CPQ: variants seen among roughly 807,000 people sequenced by gnomAD.
The protein encoded by CPQ is Ser-Met dipeptidase.
A neutral mutation model predicts 45.7 loss-of-function variants in CPQ; 37 were observed. The ratio of observed to expected loss-of-function variants is 0.81; its 90% CI spans 0.62 to 1.07. The LOEUF (loss-of-function observed/expected upper bound fraction) is 1.07. CPQ is among the 50% of genes least tolerant of loss of function. The pLI is 0.00. For missense variants in CPQ, 537 were observed against 572.9 expected (o/e 0.94, Z 0.64); for synonymous variants, 186 against 205.8 (o/e 0.90, Z 0.82).
Position 96,786,800 on chromosome 8 carries a change from T to C in CPQ, c.433+1470T>C, listed in dbSNP as rs140675133. Among the ~76,000 whole-genome samples, 348 of 152,284 alleles carry C rather than the reference T, an allele frequency of 2.3e-3. 4 individuals carry two copies. The highest frequency in any genetic ancestry group is 8.2e-3 in the African/African-American group (340 of 41,580). The stretch of plus-strand genomic sequence containing the variant: ...GATGTTGAGCATCCTTCCATGTTCT[T>C]ACTCGCCATTTGTTTATCTTCTTTG... On this transcript the variant is annotated intron_variant, in intron 2 of 7. Transcript: ENST00000220763.
At chr8:96,795,572 T>A (rs1810917275) in intron 2 of CPQ, among the ~76,000 whole-genome samples, 1 of 152,260 alleles carries the variant, frequency 6.6e-6, no homozygotes, top group Non-Finnish European at 1.5e-5. Flanking sequence ...ACACTGCATA[T>A]AGTTTGTGTC....
At position 96,831,148 on chromosome 8, in the gene CPQ, A is replaced by G. The variant is rs1811453304; in HGVS notation, c.434-3825A>G. ...AAATATGCAAGTTCCTTGGAAGTAT[A>G]CATTTCTGGAGAGTGATCAGGGATG... On this transcript the variant is annotated intron_variant, in intron 2 of 7. Transcript: ENST00000220763. Among the ~76,000 whole-genome samples the G allele has an allele frequency of 2.0e-5, 3 of 152,154 alleles. 1 individual carries two copies. In the South Asian group the frequency reaches 6.2e-4, roughly 31 times the overall value.
At chr8:96,979,881 G>A (rs1397787525) in intron 5 of CPQ, among the ~76,000 whole-genome samples, 1 of 151,986 alleles carries the variant, frequency 6.6e-6, no homozygotes. Context: ...AATCATTATC[G>A]ATGAGCTGAT....
At chr8:97,133,441 G>A (rs748965662) in intron 7 of CPQ, 8 of 152,304 alleles carry the variant, frequency 5.3e-5, no homozygotes, top group South Asian at 4.1e-4. Flanking sequence ...GCATATGAAC[G>A]TGATTGTTCT....
chr8:97,115,167 C>T (rs931734032), intron 7 of CPQ, among the ~76,000 whole-genome samples: 2 of 152,304 alleles, frequency 1.3e-5, no homozygotes, highest in Admixed American at 6.5e-5. Flanking sequence ...CTAGAAGAGA[C>T]CAAGTGCCCT....
At chr8:96,660,509 G>A (rs1163565683) in intron 1 of CPQ, among the ~76,000 whole-genome samples, 1 of 152,104 alleles carries the variant, frequency 6.6e-6, no homozygotes, top group Non-Finnish European at 1.5e-5. Flanking sequence ...ATCCCTCTAT[G>A]TATTCTGTAC....
chr8:96,738,913 A>G (rs1158480662), intron 1 of CPQ, among the ~76,000 whole-genome samples: 8 of 151,984 alleles, frequency 5.3e-5, no homozygotes, highest in South Asian at 2.1e-4. Flanking sequence ...TAATGCCGCA[A>G]TAAACATAGG....
chr8:96,797,785 C>A (rs1810953779), intron 2 of CPQ, among the ~76,000 whole-genome samples: 1 of 152,110 alleles, frequency 6.6e-6, no homozygotes, highest in South Asian at 2.1e-4. Context: ...GGTGCGGTGG[C>A]TCACACCTGT....
chr8:96,870,488 C>T (rs1044323589), intron 3 of CPQ, among the ~76,000 whole-genome samples: 1 of 151,784 alleles, frequency 6.6e-6, no homozygotes, highest in Non-Finnish European at 1.5e-5. Context: ...GAGGGGTGAG[C>T]GGCAATATAA....
chr8:96,708,610 T>C (rs941607372), intron 1 of CPQ, among the ~76,000 whole-genome samples: 1 of 152,092 alleles, frequency 6.6e-6, no homozygotes, highest in Non-Finnish European at 1.5e-5. Context: ...TCTTCTATAA[T>C]AGAATCTCTA....
At chr8:96,775,849 C>G (rs1030435677) in intron 1 of CPQ, among the ~76,000 whole-genome samples, 1 of 152,152 alleles carries the variant, frequency 6.6e-6, no homozygotes, top group African/African-American at 2.4e-5. Context: ...GTGCTCCCCC[C>G]ACATATTCAA....
chr8:97,021,958 G>A lies in CPQ; in HGVS notation c.962-7445G>A, dbSNP rs1809695562. 2.0e-5 allele frequency among the ~76,000 whole-genome samples: 3 copies of A among 152,134 alleles called. No individual in the cohort carries two copies. The South Asian group carries it at 6.2e-4, about 32-fold the overall frequency. ...CTAAGCAAGAAGAATAAATCTGGAG[G>A]TGTCACATTACCTGATTACAAACCA... On this transcript the variant is annotated intron_variant, in intron 5 of 7. Transcript: ENST00000220763.
chr8:97,041,948 T>G (rs1158220611), intron 6 of CPQ, among the ~76,000 whole-genome samples: 1 of 152,198 alleles, frequency 6.6e-6, no homozygotes, highest in African/African-American at 2.4e-5. Flanking sequence ...AAAATTCTCT[T>G]TTTTGGATGT....
At chr8:97,111,868 C>T (rs1269723472) in intron 7 of CPQ, among the ~76,000 whole-genome samples, 10 of 152,208 alleles carry the variant, frequency 6.6e-5, no homozygotes, top group African/African-American at 2.4e-4. Flanking sequence ...TCTGTCAAAG[C>T]AAACCAGCAC....
intron 4 of CPQ, among the ~76,000 whole-genome samples, chr8:96,921,820 T>C (rs899043214): frequency 6.6e-6 from 1 of 152,112 alleles, no homozygotes; most frequent in African/African-American, 2.4e-5. Flanking sequence ...ATATTACTGG[T>C]TTTATATAAT....
intron 2 of CPQ, among the ~76,000 whole-genome samples, chr8:96,820,078 A>G (rs1361249563): frequency 1.3e-5 from 2 of 152,090 alleles, no homozygotes; most frequent in East Asian, 1.9e-4. Flanking sequence ...CTCTTCTTCA[A>G]TTAGGACATG....
intron 1 of CPQ, among the ~76,000 whole-genome samples, chr8:96,681,332 T>G (rs943993804): frequency 1.3e-5 from 2 of 152,172 alleles, no homozygotes; most frequent in East Asian, 1.9e-4. Flanking sequence ...AGGGACTTGG[T>G]ACCCTGCATT....
intron 7 of CPQ, among the ~76,000 whole-genome samples, chr8:97,103,875 C>G (rs1332580620): frequency 6.6e-6 from 1 of 152,188 alleles, no homozygotes; most frequent in Non-Finnish European, 1.5e-5. Flanking sequence ...GGACTGATCC[C>G]TGGCACATTA....
chr8:97,065,928 T>C lies in CPQ; in HGVS notation c.1054-81T>C, dbSNP rs570710635. On this transcript the variant is annotated intron_variant, in intron 6 of 7. Coordinates refer to ENST00000220763, the MANE Select transcript of CPQ (RefSeq NM_016134.4). ...CACAGCCGTAAGGAGGTAAAGTATT[T>C]GGTAATTGTTGTTTGATAGTTCCCA... 27 of 1,360,962 alleles carry C rather than the reference T, an allele frequency of 2.0e-5. No homozygotes were observed. The Admixed American group carries it at 3.2e-4, about 16-fold the overall frequency. 84.3% of individuals were successfully genotyped at this position (1,360,962 alleles called of 1,614,324 possible).
Sources: gnomAD v4.1 joint callset for allele counts (sites outside exome capture counted in the v4.1 genomes callset) on GRCh38, gnomAD v4.1.1 for gene constraint, MANE v1.5 for transcripts, NCBI Gene and HGNC (gene_info 2026-07-23, HGNC 2026-07-21) for gene names.